Variants in CFAP299 observed in about 807,000 individuals in gnomAD.
CFAP299 encodes the protein cilia- and flagella-associated protein 299.
In CFAP299, 21 loss-of-function variants were observed where a neutral mutation model predicts 27.0. The observed-to-expected ratio is 0.78, with a 90% CI of 0.55 to 1.12. The LOEUF (loss-of-function observed/expected upper bound fraction) is 1.12, where lower values mean the gene tolerates loss of function less well. Ranked by LOEUF, CFAP299 falls within the 50% of genes most tolerant of loss-of-function variation. The pLI is 0.00. For missense variants in CFAP299, 310 were observed against 276.6 expected (o/e 1.12, Z -0.86); for synonymous variants, 104 against 98.1 (o/e 1.06, Z -0.36).
At chr4:80,396,728 C>T (rs1725817493) in intron 2 of CFAP299, among the ~76,000 whole-genome samples, 1 of 152,124 alleles carries the variant, frequency 6.6e-6, no homozygotes. Flanking sequence ...AGGGATGAAG[C>T]CCACTTGATC....
At chr4:80,871,986 C>T (rs1365781263) in intron 4 of CFAP299, 1 of 151,074 alleles carries the variant, frequency 6.6e-6, no homozygotes, top group Non-Finnish European at 1.5e-5. Context: ...CAACAGTCCC[C>T]CTCATTCTTT....
At chr4:80,410,005 G>T (rs1398352782) in intron 2 of CFAP299, among the ~76,000 whole-genome samples, 1 of 152,164 alleles carries the variant, frequency 6.6e-6, no homozygotes, top group Non-Finnish European at 1.5e-5. Context: ...GTGATGTAAG[G>T]AATGGGGACT....
intron 3 of CFAP299, among the ~76,000 whole-genome samples, chr4:80,741,865 A>G (rs932934013): frequency 2.0e-5 from 3 of 152,064 alleles, no homozygotes; most frequent in African/African-American, 4.8e-5. Context: ...TCAAGTTCCA[A>G]CCACTGGGAT....
At chr4:80,460,965 C>T (rs1729408795) in intron 2 of CFAP299, among the ~76,000 whole-genome samples, 3 of 152,138 alleles carry the variant, frequency 2.0e-5, no homozygotes, top group Admixed American at 2.0e-4. Context: ...TTTAGGGAGA[C>T]ATATGGCATC....
intron 3 of CFAP299, among the ~76,000 whole-genome samples, chr4:80,689,066 T>C (rs957059036): frequency 3.3e-5 from 5 of 152,298 alleles, no homozygotes; most frequent in East Asian, 3.9e-4. Context: ...ATACGTCTGA[T>C]TGGTGTACCT....
chr4:80,709,727 G>A (rs539826849), intron 3 of CFAP299, among the ~76,000 whole-genome samples: 1 of 152,156 alleles, frequency 6.6e-6, no homozygotes, highest in Non-Finnish European at 1.5e-5. Flanking sequence ...TAGGAATTTT[G>A]ATTTCGCTGA....
At chr4:80,684,842 T>C (rs527958268) in intron 3 of CFAP299, among the ~76,000 whole-genome samples, 2 of 152,294 alleles carry the variant, frequency 1.3e-5, no homozygotes, top group African/African-American at 2.4e-5. Flanking sequence ...AGCCTACTTA[T>C]ACAGTCTCAA....
chr4:80,697,489 A>G (rs761238829), intron 3 of CFAP299, among the ~76,000 whole-genome samples: 2 of 152,198 alleles, frequency 1.3e-5, no homozygotes, highest in Non-Finnish European at 2.9e-5. Flanking sequence ...TAAACAAAGA[A>G]ACAAACTAAA....
intron 3 of CFAP299, among the ~76,000 whole-genome samples, chr4:80,601,432 G>A (rs879406992): frequency 6.6e-6 from 1 of 151,980 alleles, no homozygotes; most frequent in African/African-American, 2.4e-5. Flanking sequence ...AGAGTTTGAG[G>A]GCATTATTTA....
At chr4:80,877,919 ATGTT>A (rs1362615825) in intron 4 of CFAP299, among the ~76,000 whole-genome samples, 1 of 152,040 alleles carries the variant, frequency 6.6e-6, no homozygotes, top group Non-Finnish European at 1.5e-5. Flanking sequence ...ATTTGTGTCT[ATGTT>A]TGTACTATTT....
chr4:80,670,562 A>T (rs1741417500), intron 3 of CFAP299, among the ~76,000 whole-genome samples: 1 of 152,210 alleles, frequency 6.6e-6, no homozygotes, highest in Non-Finnish European at 1.5e-5. Context: ...AGGAATAGCC[A>T]TGCTGTCTTC....
At chr4:80,458,963 T>G (rs920461234) in intron 2 of CFAP299, among the ~76,000 whole-genome samples, 14 of 152,072 alleles carry the variant, frequency 9.2e-5, no homozygotes, top group African/African-American at 3.4e-4. Context: ...GGACTTCTTT[T>G]TTTTTAATTT....
rs1269525886 is a variant in CFAP299, at chr4:80,822,953, TA to T, written c.334-47036del. On this transcript the variant is annotated intron_variant, in intron 3 of 5. Coordinates refer to ENST00000358105, the MANE Select transcript of CFAP299 (RefSeq NM_152770.3). ...CAAAGTGCATCTTTCTGATGTTTTT[TA>T]AAACCACTTACGTGAAGTTTTAGGA... 5.3e-5 allele frequency among the ~76,000 whole-genome samples: 8 copies of T among 152,210 alleles called. No individual in the cohort carries two copies. In the East Asian group the frequency reaches 1.5e-3, roughly 29 times the overall value.
intron 2 of CFAP299, among the ~76,000 whole-genome samples, chr4:80,442,326 T>A (rs1470836678): frequency 6.6e-6 from 1 of 152,072 alleles, no homozygotes; most frequent in African/African-American, 2.4e-5. Context: ...CCTCAGCAAA[T>A]GCAAAAGAAT....
At chr4:80,795,000 G>T (rs1209359451) in intron 3 of CFAP299, among the ~76,000 whole-genome samples, 2 of 152,092 alleles carry the variant, frequency 1.3e-5, no homozygotes, top group African/African-American at 4.8e-5. Flanking sequence ...ATCCATCCCT[G>T]CCACCATGGC....
At chr4:80,892,268 T>C (rs912985752) in intron 4 of CFAP299, among the ~76,000 whole-genome samples, 1 of 152,186 alleles carries the variant, frequency 6.6e-6, no homozygotes, top group African/African-American at 2.4e-5. Context: ...AAAGGCAGTC[T>C]GTTGAATAAA....
At chr4:80,540,562 T>C (rs1733951574) in intron 2 of CFAP299, among the ~76,000 whole-genome samples, 1 of 152,176 alleles carries the variant, frequency 6.6e-6, no homozygotes, top group East Asian at 1.9e-4. Context: ...TGATTCTTTA[T>C]AATGAGCCCC....
intron 3 of CFAP299, among the ~76,000 whole-genome samples, chr4:80,839,344 C>T (rs6829249): frequency 1.3e-5 from 2 of 152,062 alleles, no homozygotes; most frequent in Admixed American, 1.3e-4. Flanking sequence ...AAAACACTTA[C>T]TATGTATTAT....
intron 3 of CFAP299, among the ~76,000 whole-genome samples, chr4:80,788,713 T>A (rs1727383249): frequency 6.6e-6 from 1 of 151,956 alleles, no homozygotes. Context: ...GTGCACAGTT[T>A]ATACTGGCCA....
Sources: allele counts gnomAD v4.1 joint callset (sites outside exome capture counted in the v4.1 genomes callset), GRCh38; gene constraint gnomAD v4.1.1; transcripts MANE v1.5; gene names NCBI Gene and HGNC (gene_info 2026-07-23, HGNC 2026-07-21).